Variants in NLRP13 observed in about 807,000 individuals in gnomAD.
The protein encoded by NLRP13 is NLR family pyrin domain containing 13.
Under a neutral mutation model 94.4 loss-of-function variants are expected in NLRP13, and 82 were observed. The observed-to-expected ratio is 0.87, with a 90% CI of 0.73 to 1.04. The LOEUF is 1.04. NLRP13 is among the 50% of genes least tolerant of loss of function. The pLI is 0.00. For missense variants in NLRP13, 1,426 were observed against 1,230.8 expected (o/e 1.16, Z -2.37); for synonymous variants, 553 against 464.7 (o/e 1.19, Z -2.45).
intron 1 of NLRP13, among the ~76,000 whole-genome samples, chr19:55,928,867 G>T (rs57430181): frequency 1.3e-5 from 2 of 152,062 alleles, no homozygotes; most frequent in Non-Finnish European, 2.9e-5. Context: ...CAGAATGGGA[G>T]AAAATTTTTG....
At chr19:55,930,898 A>ACACGTATATATATACATATATATAT in intron 1 of NLRP13, among the ~76,000 whole-genome samples, 6 of 104,894 alleles carry the variant, frequency 5.7e-5, no homozygotes, top group African/African-American at 2.3e-4. Context: ...ATATATATAT[A>ACACGTATATATATACATATATATAT]AAATTTTAAC....
chr19:55,929,562 G>A (rs961557438), intron 1 of NLRP13, among the ~76,000 whole-genome samples: 2 of 152,166 alleles, frequency 1.3e-5, no homozygotes, highest in Non-Finnish European at 2.9e-5. Context: ...ATTCATAAGT[G>A]GGAGCTGGAC....
chr19:55,930,039 T>C (rs1206693359), intron 1 of NLRP13, among the ~76,000 whole-genome samples: 1 of 152,122 alleles, frequency 6.6e-6, no homozygotes, highest in Non-Finnish European at 1.5e-5. Context: ...TGTTCTAGTC[T>C]CCATCTCATC....
At chr19:55,931,106 C>T (rs910651347) in intron 1 of NLRP13, among the ~76,000 whole-genome samples, 2 of 151,722 alleles carry the variant, frequency 1.3e-5, no homozygotes, top group Non-Finnish European at 2.9e-5. Context: ...TGGGAAGTGT[C>T]GCAGCTTGTG....
rs1382276451 is a variant in NLRP13, at chr19:55,912,652, C to T, written c.1165G>A (p.Asp389Asn). ...CTCATGAAATATACCCGTAGGTCGT[C>T]CCCTGTGAACCCTGTAATTTGTACA... ...CFVQITGFTGDDLRVYFMRHF... is the reference protein window; with the variant it reads ...CFVQITGFTGNDLRVYFMRHF... Residue 389 changes from aspartate to asparagine, a missense_variant, in exon 5 of 11, where the codon GAC (aspartate) becomes AAC (asparagine). Asp to Asn is a conservative substitution (Grantham distance 23, BLOSUM62 1). Transcript: ENST00000342929. 3.7e-6 allele frequency: 6 copies of T among 1,614,176 alleles called. No homozygotes were observed. Among genetic ancestry groups the T allele is most frequent in the South Asian group, 1.1e-5 (1 of 91,078 alleles).
chr19:55,895,818 TG>T, downstream of NLRP13: 1 of 1,009,354 alleles, frequency 9.9e-7, no homozygotes, highest in Non-Finnish European at 1.5e-6. Context: ...CCACCCTTAC[TG>T]GAAGTTCCGT....
chr19:55,899,525 T>G lies in NLRP13; in HGVS notation c.2790-588A>C, dbSNP rs1165393593. On this transcript the variant is annotated intron_variant, in intron 9 of 10. Coordinates refer to ENST00000342929, the MANE Select transcript of NLRP13 (RefSeq NM_176810.2). ...GGCCGGGCACGGTGGCTCACGCCTG[T>G]AATCCCAGCACTTTGGGAGGCTGAG... Among the ~76,000 whole-genome samples the G allele has an allele frequency of 2.6e-4, 39 of 152,022 alleles. 1 individual carries two copies. Among genetic ancestry groups the G allele is most frequent in the Admixed American group, 2.6e-3 (39 of 15,258 alleles).
At chr19:55,892,180 A>C, downstream of NLRP13, 1 of 1,202,842 alleles carries the variant, frequency 8.3e-7, no homozygotes, top group Non-Finnish European at 1.0e-6. Context: ...AGTAATTTTT[A>C]ATTTTTAAGG....
chr19:55,899,062 C>A (rs562274443), intron 9 of NLRP13, 125 bp from the exon 10 acceptor site: 2 of 1,030,150 alleles, frequency 1.9e-6, no homozygotes, highest in African/African-American at 1.6e-5. Flanking sequence ...TGTCCCAAGC[C>A]TCGAAGGAGG....
intron 9 of NLRP13, among the ~76,000 whole-genome samples, chr19:55,900,611 A>AAT (rs1301715899): frequency 6.6e-6 from 1 of 151,274 alleles, no homozygotes; most frequent in Non-Finnish European, 1.5e-5. Flanking sequence ...CTGTACTAAA[A>AAT]AAAAAATACA....
At chr19:55,928,534 C>G (rs938501812) in intron 1 of NLRP13, among the ~76,000 whole-genome samples, 3 of 152,130 alleles carry the variant, frequency 2.0e-5, no homozygotes, top group African/African-American at 7.2e-5. Context: ...CTCATGTACC[C>G]CATAAATATA....
At chr19:55,920,018 T>G (rs1038899846) in intron 4 of NLRP13, among the ~76,000 whole-genome samples, 1 of 151,754 alleles carries the variant, frequency 6.6e-6, no homozygotes, top group Non-Finnish European at 1.5e-5. Context: ...AGGCCAGAAA[T>G]AAAGCTATAT....
intron 3 of NLRP13, 21 bp from the exon 4 acceptor site, chr19:55,924,000 G>A: frequency 2.5e-6 from 4 of 1,603,444 alleles, no homozygotes; most frequent in African/African-American, 1.3e-5. Flanking sequence ...CAGTGATGAT[G>A]AGATATGAAA....
At chr19:55,914,894 A>G (rs1392740297) in intron 4 of NLRP13, among the ~76,000 whole-genome samples, 1 of 152,144 alleles carries the variant, frequency 6.6e-6, no homozygotes, top group Non-Finnish European at 1.5e-5. Context: ...TGGGAGTGAA[A>G]ATCTCTTTGA....
rs1259255449 is a variant in NLRP13 at position 55,902,137 on chromosome 19, C to T, written c.2687G>A (p.Ser896Asn). 3 of 1,613,990 alleles carry T rather than the reference C, an allele frequency of 1.9e-6. No individual in the cohort carries two copies. The highest frequency in any genetic ancestry group is 1.1e-5 in the South Asian group (1 of 91,088). The change falls in exon 9 of 11, where the codon AGC becomes AAC. Residue 896 changes from serine (S) to asparagine (N), a missense_variant. Physicochemically the swap from Ser to Asn is conservative, Grantham distance 46. Coordinates refer to ENST00000342929, the MANE Select transcript of NLRP13 (RefSeq NM_176810.2). ...CTTGCTCAGATTCAGGTGTGTCAGG[C>T]TCCTGTTCTGCAGGAGAGCATCTGA... ...HLSDALLQNR[S>N]LTHLNLSKNS...
At chr19:55,898,312 C>T (rs1339201466) in intron 10 of NLRP13, among the ~76,000 whole-genome samples, 3 of 150,184 alleles carry the variant, frequency 2.0e-5, no homozygotes, top group South Asian at 2.1e-4. Context: ...CGGGTTCAAG[C>T]GATTCTCCTG....
Position 55,907,829 on chromosome 19 carries a change from CTT to C in NLRP13, c.2408_2409del (p.Lys803SerfsTer45). The C allele has an allele frequency of 6.2e-7, 1 of 1,613,930 alleles. No homozygotes were observed. Among genetic ancestry groups the C allele is most frequent in the South Asian group, 1.1e-5 (1 of 91,036 alleles). The part of the protein sequence containing the change: ...KLGMTVPLIL[K>X]ALRHSACNLK... ...AGGTTGCAAGCTGAGTGTCTCAAAG[CTT>C]TAAGAATCAGGGGGACAGTCATTCC... is the stretch of plus-strand genomic sequence containing the variant. On this transcript the variant is annotated frameshift_variant, in exon 7 of 11. Coordinates refer to ENST00000342929, the MANE Select transcript of NLRP13 (RefSeq NM_176810.2). LOFTEE classifies it high-confidence loss of function.
At chr19:55,913,318 G>A in intron 4 of NLRP13, 25 bp from the exon 5 acceptor site, 2 of 1,592,358 alleles carry the variant, frequency 1.3e-6, no homozygotes, top group East Asian at 2.2e-5. Flanking sequence ...GTGGGGAGAA[G>A]AATGGTAAGA....
rs1241031204 is a variant in NLRP13 at position 55,907,924 on chromosome 19, T to A, written c.2315A>T (p.Gln772Leu). ...CKSVTPEWVL[Q>L]DLIIALQGNS... ...ACCCTGAAGGGCAATAATGAGGTCC[T>A]GCAGAACCCACTCAGGAGTTACCGA... Residue 772 changes from glutamine (Q) to leucine (L), a missense_variant, in exon 7 of 11, where the codon CAG becomes CTG. By Grantham distance (113) the Gln-to-Leu change is moderately radical. Coordinates refer to ENST00000342929, the MANE Select transcript of NLRP13 (RefSeq NM_176810.2). 4 of 1,611,940 alleles carry A rather than the reference T, an allele frequency of 2.5e-6. No individual in the cohort carries two copies. The South Asian group carries it at 4.4e-5, about 18-fold the overall frequency.
Sources: allele counts gnomAD v4.1 joint callset (sites outside exome capture counted in the v4.1 genomes callset), GRCh38; gene constraint gnomAD v4.1.1; transcripts MANE v1.5; gene names NCBI Gene and HGNC (gene_info 2026-07-23, HGNC 2026-07-21).